ITGA10: variants seen among roughly 807,000 people sequenced by gnomAD.
ITGA10 encodes the protein integrin subunit alpha 10, also known as integrin alpha-10.
A neutral mutation model predicts 145.2 loss-of-function variants in ITGA10; 105 were observed. The ratio of observed to expected loss-of-function variants is 0.72; its 90% confidence interval spans 0.62 to 0.85. The LOEUF (loss-of-function observed/expected upper bound fraction) is 0.85. ITGA10 is among the 40% of genes least tolerant of loss of function. The pLI is 0.00. For synonymous variants in ITGA10, 506 were observed against 557.8 expected (o/e 0.91, Z 1.31); for missense variants, 1,317 against 1,444.5 (o/e 0.91, Z 1.43).
Position 145,899,214 on chromosome 1 carries a change from C to T in ITGA10, c.2050G>A (p.Val684Met). The change falls in exon 16 of 30, where the codon GTG (valine) becomes ATG (methionine). Residue 684 changes from valine (V) to methionine (M), a missense_variant. Val to Met is a conservative substitution (Grantham distance 21). Transcript: ENST00000369304. ...VCLTAALCFQ[V>M]TSRTPGRWDH... ...CAGCGACCAGGAGTACGGGAGGTCA[C>T]TTGGAAGCAAAGGGCTGCAGTCAGA... The T allele has an allele frequency of 6.2e-7, 1 of 1,614,256 alleles. No individual in the cohort carries two copies. Among genetic ancestry groups the T allele is most frequent in the Non-Finnish European group, 8.5e-7 (1 of 1,180,052 alleles).
chr1:145,906,013 G>A, intron 5 of ITGA10: 1 of 194,366 alleles, frequency 5.1e-6, no homozygotes, highest in Non-Finnish European at 1.1e-5. Context: ...TCCACCTCCT[G>A]GGTTGAAGTG....
At chr1:145,899,572 G>A (rs947011441) in intron 15 of ITGA10, among the ~76,000 whole-genome samples, 6 of 151,850 alleles carry the variant, frequency 4.0e-5, no homozygotes, top group African/African-American at 1.2e-4. Context: ...GCAGTGGGGC[G>A]ATCTCAGCTC....
intron 23 of ITGA10, 29 bp downstream of exon 23, chr1:145,896,740 C>A: frequency 6.4e-6 from 10 of 1,566,898 alleles, no homozygotes; most frequent in Non-Finnish European, 7.9e-6. Flanking sequence ...GAGGTCAGAA[C>A]TGGGTCCCAC....
intron 17 of ITGA10, among the ~76,000 whole-genome samples, chr1:145,898,664 G>A (rs587731878): frequency 6.6e-5 from 10 of 152,076 alleles, no homozygotes; most frequent in African/African-American, 1.9e-4. Flanking sequence ...CACTGCGCCC[G>A]GCTAAATTTA....
intron 5 of ITGA10, 137 bp from the exon 6 acceptor site, chr1:145,904,948 G>T: frequency 1.2e-6 from 1 of 815,366 alleles, no homozygotes; most frequent in Non-Finnish European, 2.0e-6. Context: ...GCCAGGCTCT[G>T]TGTAAGTGTA....
chr1:145,907,088 C>A lies in ITGA10; in HGVS notation c.227G>T (p.Cys76Phe). Residue 76 changes from cysteine (C) to phenylalanine (F), a missense_variant, in exon 3 of 30, where the codon TGC (cysteine) becomes TTC (phenylalanine). Physicochemically the swap from Cys to Phe is radical, Grantham distance 205 (BLOSUM62 -2). Transcript: ENST00000369304. ...GGCATTGTGGGCCCCCCCTACAGGG[C>A]AGCGATAAACGTCCCCCCTCCGGTC... ...SGDRRGDVYRCPVGGAHNAPC... is the reference protein window; with the variant it reads ...SGDRRGDVYRFPVGGAHNAPC... 6.4e-7 allele frequency: 1 copy of A among 1,564,444 alleles called. No individual in the cohort carries two copies. Among genetic ancestry groups the A allele is most frequent in the South Asian group, 1.2e-5 (1 of 84,968 alleles).
chr1:145,895,810 T>G, intron 25 of ITGA10, 99 bp from the exon 26 acceptor site: 1 of 1,146,006 alleles, frequency 8.7e-7, no homozygotes, highest in Admixed American at 2.1e-5. Flanking sequence ...TTCTTCCCCT[T>G]ATAATACCTT....
chr1:145,909,536 ATAAT>A (rs1553752544), intron 1 of ITGA10, among the ~76,000 whole-genome samples: 1 of 126,852 alleles, frequency 7.9e-6, no homozygotes, highest in African/African-American at 3.7e-5. Context: ...TATATAATAT[ATAAT>A]TATGTTATAT....
At chr1:145,903,723 G>A (rs183704398) in intron 7 of ITGA10, among the ~76,000 whole-genome samples, 445 of 149,236 alleles carry the variant, frequency 3.0e-3, no homozygotes, top group Admixed American at 4.6e-3. Context: ...TTTTGCTCTC[G>A]TTGCCCAGGC....
chr1:145,908,113 C>T (rs1454536299), intron 1 of ITGA10, among the ~76,000 whole-genome samples: 1 of 152,122 alleles, frequency 6.6e-6, no homozygotes, highest in Non-Finnish European at 1.5e-5. Context: ...CCTCAACAAA[C>T]TGTGAGGGTC....
In ITGA10 at chr1:145,901,921, T is replaced by G. The variant is rs1656382719; in HGVS notation, c.1250A>C (p.Glu417Ala). Residue 417 changes from glutamate to alanine, a missense_variant, in exon 11 of 30, where the codon GAA becomes GCA. Glu to Ala is a moderately radical substitution (Grantham distance 107). Coordinates refer to ENST00000369304, the MANE Select transcript of ITGA10 (RefSeq NM_003637.5). The surrounding 1 kb of genome is among the most constrained non-coding windows in gnomAD (Gnocchi z 4.3). ...CTGCAATGCAGGGGGGAACTCGTCT[T>G]CCAGTGCCATTCGTGGGGGGAAAAG... Reference protein sequence around the residue: ...HRLFPPRMALEDEFPPALQNH... With the variant: ...HRLFPPRMALADEFPPALQNH... The G allele has an allele frequency of 6.2e-7, 1 of 1,614,004 alleles. No homozygotes were observed. The highest frequency in any genetic ancestry group is 1.1e-5 in the South Asian group (1 of 91,090).
At chr1:145,897,744 C>T in intron 19 of ITGA10, 71 bp downstream of exon 19, 1 of 1,610,274 alleles carries the variant, frequency 6.2e-7, no homozygotes, top group Non-Finnish European at 8.5e-7. Context: ...AAACAACCCC[C>T]TACCCGCCCT....
chr1:145,903,194 GC>G (rs1225997831), intron 7 of ITGA10, among the ~76,000 whole-genome samples: 15 of 152,300 alleles, frequency 9.8e-5, no homozygotes, highest in African/African-American at 3.6e-4. Flanking sequence ...ATACAGAGTA[GC>G]TTATCAGTCC....
chr1:145,897,637 C>T lies in ITGA10; in HGVS notation c.2449G>A (p.Val817Ile). The T allele has an allele frequency of 1.9e-6, 3 of 1,614,122 alleles. No homozygotes were observed. Among genetic ancestry groups the T allele is most frequent in the Non-Finnish European group, 2.5e-6 (3 of 1,180,026 alleles). ...AGCACTTTCCGCCGGCCACCTCGAA[C>T]CACAAATGGGGCCTTCCTGGGAATG... ...IRGSRKAPFV[V>I]RGGRRKVLVS... Residue 817 changes from valine (V) to isoleucine (I), a missense_variant, in exon 20 of 30, where the codon GTT becomes ATT. By Grantham distance (29) the Val-to-Ile change is conservative. Coordinates refer to ENST00000369304, the MANE Select transcript of ITGA10 (RefSeq NM_003637.5).
intron 1 of ITGA10, among the ~76,000 whole-genome samples, chr1:145,908,315 C>T (rs1657433766): frequency 6.6e-6 from 1 of 152,126 alleles, no homozygotes; most frequent in Admixed American, 6.6e-5. Context: ...TGGTTGATTC[C>T]AGCCTTGGAA....
chr1:145,899,697 G>C (rs1264639777), intron 15 of ITGA10, among the ~76,000 whole-genome samples: 2 of 151,998 alleles, frequency 1.3e-5, no homozygotes, highest in African/African-American at 4.8e-5. Context: ...TTTTAGTAGA[G>C]ACGGGGTTTC....
rs1468667738 is a variant in ITGA10 at position 145,897,340 on chromosome 1, C to CT, written c.2575-2dup. On this transcript the variant is annotated splice_acceptor_variant, in intron 20 of 29. Coordinates refer to ENST00000369304, the MANE Select transcript of ITGA10 (RefSeq NM_003637.5). LOFTEE classifies it high-confidence loss of function. The stretch of plus-strand genomic sequence containing the variant: ...ATTCCACCTTTATTGGGCTCTCTCT[C>CT]TGAGGGCAGGGGAATGGAGATAGAA... 17 of 1,613,990 alleles carry CT rather than the reference C, an allele frequency of 1.1e-5. No homozygotes were observed. The highest frequency in any genetic ancestry group is 1.4e-5 in the Non-Finnish European group (16 of 1,179,984).
rs188345890 is a variant in ITGA10 at position 145,891,950 on chromosome 1, G to C, written c.*848C>G. On this transcript the variant is annotated 3_prime_UTR_variant, in exon 30 of 30. Coordinates refer to ENST00000369304, the MANE Select transcript of ITGA10 (RefSeq NM_003637.5). ...GGGCTCAAGAGTGAGTATAAGACTT[G>C]AGAGAAGTAGAGAAAATACTGCCTA... The C allele has an allele frequency of 6.6e-6, 1 of 152,340 alleles. No individual in the cohort carries two copies. The highest frequency in any genetic ancestry group is 1.9e-4 in the East Asian group (1 of 5,188). The allele number at this position is 152,340 out of a possible 1,614,324, so 9.4% of individuals were successfully genotyped here.
At chr1:145,898,685 A>G (rs1317715720) in intron 17 of ITGA10, among the ~76,000 whole-genome samples, 3 of 152,132 alleles carry the variant, frequency 2.0e-5, no homozygotes, top group Admixed American at 6.5e-5. Flanking sequence ...ATTTTAATAC[A>G]ACTCCTATGA....
Sources: gnomAD v4.1 joint callset for allele counts (sites outside exome capture counted in the v4.1 genomes callset) on GRCh38, gnomAD v4.1.1 for gene constraint, Gnocchi (gnomAD v3.1) non-coding constraint, MANE v1.5 for transcripts, NCBI Gene and HGNC (gene_info 2026-07-23, HGNC 2026-07-21) for gene names.